Variants in NALF1 observed in about 807,000 individuals in gnomAD.
The protein encoded by NALF1 is NALCN channel auxiliary factor 1.
Under a neutral mutation model 48.4 loss-of-function variants are expected in NALF1, and 3 were observed. The ratio of observed to expected loss-of-function variants is 0.06; its 90% CI spans 0.03 to 0.16. NALF1 has a LOEUF of 0.16. NALF1 is among the 10% of genes least tolerant of loss of function. The pLI is 1.00. For synonymous variants in NALF1, 262 were observed against 245.7 expected (o/e 1.07, Z -0.62); for missense variants, 526 against 571.5 (o/e 0.92, Z 0.81).
At chr13:107,831,528 A>C (rs572541426) in intron 1 of NALF1, among the ~76,000 whole-genome samples, 4 of 152,236 alleles carry the variant, frequency 2.6e-5, no homozygotes, top group Admixed American at 2.0e-4. Flanking sequence ...TTTTCTTAAA[A>C]AAAGAAAAAA....
At chr13:107,586,191 G>A (rs1878451771) in intron 1 of NALF1, among the ~76,000 whole-genome samples, 1 of 152,134 alleles carries the variant, frequency 6.6e-6, no homozygotes, top group African/African-American at 2.4e-5. Flanking sequence ...TATAGGGAAA[G>A]CTGGTTTGAA....
intron 1 of NALF1, among the ~76,000 whole-genome samples, chr13:107,865,385 C>A (rs975074233): frequency 6.6e-6 from 1 of 152,234 alleles, no homozygotes; most frequent in African/African-American, 2.4e-5. Flanking sequence ...AAAGATGTAA[C>A]AGAGTTTGAG....
intron 1 of NALF1, among the ~76,000 whole-genome samples, chr13:107,496,346 A>G (rs1262397248): frequency 6.6e-6 from 1 of 152,260 alleles, no homozygotes; most frequent in African/African-American, 2.4e-5. Context: ...AGTAAATGGA[A>G]ATTTTTGGAG....
chr13:107,776,577 T>TAATTAGTGAAATTAATTAGTGAAATTA (rs1168601633), intron 1 of NALF1, among the ~76,000 whole-genome samples: 1 of 152,240 alleles, frequency 6.6e-6, no homozygotes, highest in African/African-American at 2.4e-5. Context: ...ATTCATCTAT[T>TAATTAGTGAAATTAATTAGTGAAATTA]ACATTAATTT....
chr13:107,651,414 T>A (rs2138468039), intron 1 of NALF1, among the ~76,000 whole-genome samples: 1 of 152,310 alleles, frequency 6.6e-6, no homozygotes, highest in East Asian at 1.9e-4. Flanking sequence ...ATATCTGAGA[T>A]TTTCATCAGT....
intron 1 of NALF1, among the ~76,000 whole-genome samples, chr13:107,539,594 T>A (rs1372862566): frequency 6.6e-6 from 1 of 152,134 alleles, no homozygotes; most frequent in Admixed American, 6.6e-5. Flanking sequence ...TGGGGAGAAA[T>A]AAGAGATGTT....
intron 1 of NALF1, among the ~76,000 whole-genome samples, chr13:107,213,374 A>G (rs1879807836): frequency 6.6e-6 from 1 of 152,060 alleles, no homozygotes; most frequent in Admixed American, 6.6e-5. Flanking sequence ...CAGACCTTAT[A>G]CACTGAGCTA....
intron 2 of NALF1, among the ~76,000 whole-genome samples, chr13:107,186,622 T>G (rs1000748361): frequency 3.3e-5 from 5 of 152,190 alleles, no homozygotes; most frequent in African/African-American, 1.2e-4. Flanking sequence ...CACCTCGGCC[T>G]CCCAAAGTAT....
chr13:107,813,120 G>C (rs767596489), intron 1 of NALF1, among the ~76,000 whole-genome samples: 23 of 152,078 alleles, frequency 1.5e-4, no homozygotes, highest in Non-Finnish European at 2.5e-4. Context: ...AGATTAGCAA[G>C]TTTCTTATTA....
chr13:107,828,587 CTA>C (rs756736318), intron 1 of NALF1, among the ~76,000 whole-genome samples: 1 of 42,584 alleles, frequency 2.3e-5, no homozygotes, highest in East Asian at 5.2e-4. Context: ...ATCTATCTAT[CTA>C]TCTATATCTA....
chr13:107,689,924 T>G (rs1881528086), intron 1 of NALF1, among the ~76,000 whole-genome samples: 1 of 152,208 alleles, frequency 6.6e-6, no homozygotes, highest in South Asian at 2.1e-4. Flanking sequence ...AACTAGAGCT[T>G]AACTTGCACC....
intron 1 of NALF1, among the ~76,000 whole-genome samples, chr13:107,298,737 T>C (rs898731849): frequency 1.3e-5 from 2 of 152,170 alleles, no homozygotes; most frequent in Non-Finnish European, 1.5e-5. Flanking sequence ...GCCACACATA[T>C]GTTTCTTTAT....
intron 1 of NALF1, among the ~76,000 whole-genome samples, chr13:107,779,705 C>T (rs1344083033): frequency 6.6e-6 from 1 of 152,204 alleles, no homozygotes; most frequent in Non-Finnish European, 1.5e-5. Context: ...GATCTCTACA[C>T]AGTTGGATGA....
chr13:107,289,337 G>C (rs1325682588), intron 1 of NALF1, among the ~76,000 whole-genome samples: 1 of 152,134 alleles, frequency 6.6e-6, no homozygotes, highest in Admixed American at 6.5e-5. Context: ...AAGCATCAAA[G>C]TTTGTCCTGA....
intron 1 of NALF1, among the ~76,000 whole-genome samples, chr13:107,829,665 C>A (rs1014360498): frequency 5.9e-5 from 9 of 151,920 alleles, no homozygotes; most frequent in African/African-American, 2.2e-4. Flanking sequence ...TGCTTCAGAA[C>A]AATTTATGAA....
chr13:107,844,799 G>T (rs1221203330), intron 1 of NALF1, among the ~76,000 whole-genome samples: 4 of 152,138 alleles, frequency 2.6e-5, no homozygotes, highest in Non-Finnish European at 5.9e-5. Flanking sequence ...AAAGACCATA[G>T]CTAAACTGTG....
chr13:107,182,253 C>CGTGT (rs71204818), intron 2 of NALF1, among the ~76,000 whole-genome samples: 41 of 143,846 alleles, frequency 2.9e-4, no homozygotes, highest in African/African-American at 9.3e-4. Context: ...TGTGTGTGTC[C>CGTGT]GTGTGTGTGT....
At chr13:107,371,803 G>T (rs1469256679) in intron 1 of NALF1, among the ~76,000 whole-genome samples, 2 of 152,210 alleles carry the variant, frequency 1.3e-5, no homozygotes, top group East Asian at 1.9e-4. Flanking sequence ...AATGGCAAAA[G>T]TTAAACTTGC....
intron 1 of NALF1, among the ~76,000 whole-genome samples, chr13:107,398,631 T>TAATAA (rs1403034024): frequency 6.6e-6 from 1 of 152,152 alleles, no homozygotes; most frequent in Non-Finnish European, 1.5e-5. Context: ...ATGGTACTGA[T>TAATAA]AATAAGCAAA....
Sources: allele counts gnomAD v4.1 joint callset (sites outside exome capture counted in the v4.1 genomes callset), GRCh38; gene constraint gnomAD v4.1.1; transcripts MANE v1.5; gene names NCBI Gene and HGNC (gene_info 2026-07-23, HGNC 2026-07-21).